The following AXIN1 variants were observed in gnomAD, a reference collection of about 807,000 sequenced individuals.
AXIN1 encodes axin-1.
A neutral mutation model predicts 76.4 loss-of-function variants in AXIN1; 30 were observed. That is an observed-to-expected ratio of 0.39 (90% CI 0.29 to 0.53). AXIN1 has a LOEUF of 0.53. AXIN1 is among the 20% of genes least tolerant of loss of function. The probability of loss-of-function intolerance (pLI) is 0.66; values close to 1 mark genes in which losing one functional copy is unlikely to be tolerated. For synonymous variants in AXIN1, 545 were observed against 501.4 expected, an observed-to-expected ratio of 1.09 and a Z score of -1.16; for missense variants, 1,140 against 1,198.8, an observed-to-expected ratio of 0.95 and a Z score of 0.72.
At chr16:318,730 G>A (rs963733075) in intron 2 of AXIN1, among the ~76,000 whole-genome samples, 4 of 152,202 alleles carry the variant, frequency 2.6e-5, no homozygotes, top group African/African-American at 7.2e-5. Context: ...CTGTGTGCGC[G>A]CCCGCATGCC....
chr16:301,195 C>T (rs945940940), intron 5 of AXIN1, among the ~76,000 whole-genome samples: 2 of 150,696 alleles, frequency 1.3e-5, no homozygotes, highest in East Asian at 2.0e-4. Flanking sequence ...GGCGTGAACC[C>T]GGGAGGCAGA....
At chr16:330,744 C>T (rs565249494) in intron 2 of AXIN1, among the ~76,000 whole-genome samples, 1 of 152,290 alleles carries the variant, frequency 6.6e-6, no homozygotes, top group Admixed American at 6.5e-5. Flanking sequence ...ATGTTTTATG[C>T]TTTCCTCCCC....
intron 3 of AXIN1, among the ~76,000 whole-genome samples, chr16:313,096 G>A (rs2053220131): frequency 6.6e-6 from 1 of 152,218 alleles, no homozygotes; most frequent in Admixed American, 6.5e-5. Context: ...TGCACCGTTT[G>A]AGCCTCGGAG....
chr16:324,704 C>T (rs888921711), intron 2 of AXIN1, among the ~76,000 whole-genome samples: 3 of 152,238 alleles, frequency 2.0e-5, no homozygotes, highest in Non-Finnish European at 2.9e-5. Context: ...AGGAGGGGCA[C>T]CCCAGGTGAG....
At position 347,100 on chromosome 16, in the gene AXIN1, A is replaced by G. The variant is rs528312541; in HGVS notation, c.-75T>C. ...GTACTTACAGCTCCAAAGTGAATCA[A>G]TCTGTCCTGTTGAAACCATTAAGAG... On this transcript the variant is annotated 5_prime_UTR_variant, in exon 2 of 11. Coordinates refer to ENST00000262320, the MANE Select transcript of AXIN1 (RefSeq NM_003502.4). 1.1e-4 allele frequency: 182 copies of G among 1,610,268 alleles called. No individual in the cohort carries two copies. The highest frequency in any genetic ancestry group is 3.1e-4 in the South Asian group (28 of 90,626).
At chr16:333,934 C>A (rs2053745916) in intron 2 of AXIN1, among the ~76,000 whole-genome samples, 1 of 151,544 alleles carries the variant, frequency 6.6e-6, no homozygotes, top group African/African-American at 2.4e-5. Context: ...GCACCCAGTA[C>A]CATACCATGC....
intron 1 of AXIN1, among the ~76,000 whole-genome samples, chr16:348,385 C>G (rs1198697326): frequency 6.6e-6 from 1 of 152,244 alleles, no homozygotes; most frequent in Non-Finnish European, 1.5e-5. Flanking sequence ...GAAGGGGGAT[C>G]TATCCCCCAG....
At chr16:305,762 T>C (rs1227960371) in intron 4 of AXIN1, among the ~76,000 whole-genome samples, 1 of 152,120 alleles carries the variant, frequency 6.6e-6, no homozygotes, top group Non-Finnish European at 1.5e-5. Context: ...GCCAGGATGG[T>C]CTCAATCTCC....
At chr16:330,846 A>C (rs2053677778) in intron 2 of AXIN1, among the ~76,000 whole-genome samples, 1 of 152,242 alleles carries the variant, frequency 6.6e-6, no homozygotes, top group Non-Finnish European at 1.5e-5. Context: ...ATGACCTTTC[A>C]CAAGCTCAGA....
At chr16:339,908 T>C (rs1255362484) in intron 2 of AXIN1, among the ~76,000 whole-genome samples, 1 of 152,040 alleles carries the variant, frequency 6.6e-6, no homozygotes, top group Non-Finnish European at 1.5e-5. Context: ...AGTTCACCCT[T>C]GCAACACAGC....
intron 2 of AXIN1, among the ~76,000 whole-genome samples, chr16:317,591 TG>T (rs1166614769): frequency 1.3e-5 from 2 of 152,162 alleles, no homozygotes; most frequent in Admixed American, 1.3e-4. Flanking sequence ...GGGCCGCTCT[TG>T]GGAAATGGGT....
intron 10 of AXIN1, among the ~76,000 whole-genome samples, chr16:289,080 TTC>T (rs544031894): frequency 0.21 from 30,688 of 145,066 alleles, 3,535 homozygotes; most frequent in African/African-American, 0.31. Context: ...GCCCTTTTTC[TTC>T]TTTTTTTTTT....
chr16:309,113 G>A (rs570667638), intron 4 of AXIN1, among the ~76,000 whole-genome samples: 7 of 152,112 alleles, frequency 4.6e-5, no homozygotes, highest in East Asian at 1.9e-4. Flanking sequence ...GGCGGATCAC[G>A]AGGTCAGGAG....
Position 346,790 on chromosome 16 carries a change from G to C in AXIN1, c.236C>G (p.Thr79Ser), listed in dbSNP as rs2141707092. 1 of 1,612,288 alleles carries C rather than the reference G, an allele frequency of 6.2e-7. No homozygotes were observed. The highest frequency in any genetic ancestry group is 1.1e-5 in the South Asian group (1 of 91,026). The change falls in exon 2 of 11, where the codon ACC becomes AGC. Residue 79 changes from threonine (T) to serine (S), a missense_variant. By Grantham distance (58) the Thr-to-Ser change is moderately conservative (BLOSUM62 1). Coordinates refer to ENST00000262320, the MANE Select transcript of AXIN1 (RefSeq NM_003502.4). ...GYEPEGSASP[T>S]PPYLKWAESL... ...CTCAGCCCACTTCAAGTATGGTGGG[G>C]TGGGGGAGGCACTGCCCTCAGGCTC...
chr16:327,161 G>C (rs2053602316), intron 2 of AXIN1, among the ~76,000 whole-genome samples: 1 of 151,604 alleles, frequency 6.6e-6, no homozygotes, highest in Admixed American at 6.6e-5. Flanking sequence ...AAGATTGCCA[G>C]CACCCCCATC....
intron 2 of AXIN1, among the ~76,000 whole-genome samples, chr16:320,287 C>G (rs962122589): frequency 6.6e-6 from 1 of 152,200 alleles, no homozygotes; most frequent in African/African-American, 2.4e-5. Context: ...CTCAAGTCAT[C>G]TGCCCACCTC....
chr16:291,518 C>T (rs1044109398), intron 8 of AXIN1: 8 of 600,408 alleles, frequency 1.3e-5, no homozygotes, highest in South Asian at 1.8e-5. Context: ...TTCATGATCC[C>T]GGCACCAACC....
At chr16:292,816 C>T (rs1003430499) in intron 8 of AXIN1, 1 of 152,306 alleles carries the variant, frequency 6.6e-6, no homozygotes, top group African/African-American at 2.4e-5. Context: ...GCAGCCCAGA[C>T]AGAAGCCTCC....
intron 2 of AXIN1, among the ~76,000 whole-genome samples, chr16:329,535 T>A (rs549969709): frequency 1.0e-3 from 155 of 152,182 alleles, no homozygotes; most frequent in African/African-American, 3.5e-3. Flanking sequence ...ATCCTCCGCC[T>A]CCCGGGCTCA....
Sources: gnomAD v4.1 joint callset for allele counts (sites outside exome capture counted in the v4.1 genomes callset) on GRCh38, gnomAD v4.1.1 for gene constraint, MANE v1.5 for transcripts, NCBI Gene and HGNC (gene_info 2026-07-23, HGNC 2026-07-21) for gene names.